CENPP: variants seen among roughly 807,000 people sequenced by gnomAD.
The protein encoded by CENPP is centromere protein P.
A neutral mutation model predicts 35.6 loss-of-function variants in CENPP; 24 were observed. That is an observed-to-expected ratio of 0.67 (90% CI 0.49 to 0.95). CENPP has a LOEUF of 0.95. CENPP is among the 40% of genes least tolerant of loss of function. The pLI is 0.00. For synonymous variants in CENPP, 120 were observed against 125.5 expected (o/e 0.96, Z 0.29); for missense variants, 332 against 345.3 (o/e 0.96, Z 0.31).
chr9:92,362,024 CATAAA>C (rs1336701816), intron 4 of CENPP, among the ~76,000 whole-genome samples: 1 of 151,828 alleles, frequency 6.6e-6, no homozygotes, highest in Non-Finnish European at 1.5e-5. Context: ...AAGACTCCAT[CATAAA>C]ATAAAATAAG....
At chr9:92,347,162 A>G (rs1841316177) in intron 4 of CENPP, among the ~76,000 whole-genome samples, 1 of 152,212 alleles carries the variant, frequency 6.6e-6, no homozygotes. Flanking sequence ...ATACTGGCTG[A>G]ATAGAAGGGA....
rs1845306393 is a variant in CENPP at position 92,466,226 on chromosome 9, A to G, written c.564+86367A>G. The G allele has an allele frequency of 9.3e-6, 6 of 646,272 alleles. No homozygotes were observed. The East Asian group carries it at 1.4e-4, about 15-fold the overall frequency. The allele number at this position is 646,272 out of a possible 1,614,324, so 40.0% of individuals were successfully genotyped here. A position where few individuals can be genotyped will look rare whatever the true frequency, so the allele number is the denominator to read the frequency against. On this transcript the variant is annotated intron_variant, in intron 5 of 7. Coordinates refer to ENST00000375587, the MANE Select transcript of CENPP (RefSeq NM_001012267.3). Reference sequence around the variant, plus strand: ...TTTTGTTGGACATTTTAATTGGTTTATAAATGGCTTATCTAGGCAAAGATT... The same window carrying G: ...TTTTGTTGGACATTTTAATTGGTTTGTAAATGGCTTATCTAGGCAAAGATT...
At chr9:92,398,400 G>T (rs114869321) in intron 5 of CENPP, among the ~76,000 whole-genome samples, 7 of 152,012 alleles carry the variant, frequency 4.6e-5, no homozygotes, top group African/African-American at 1.4e-4. Context: ...AAGTATATAC[G>T]CAGAGAACTG....
At position 92,562,202 on chromosome 9, in the gene CENPP, C is replaced by CTTTTT. The variant is rs373787447; in HGVS notation, c.565-49108_565-49107insTTTTT. Among the ~76,000 whole-genome samples, 4 of 133,450 alleles carry CTTTTT rather than the reference C, an allele frequency of 3.0e-5. 1 individual carries two copies. The highest frequency in any genetic ancestry group is 2.6e-4 in the East Asian group (1 of 3,852). 87.5% of individuals were successfully genotyped at this position (133,450 alleles called of 152,430 possible). On this transcript the variant is annotated intron_variant, in intron 5 of 7. Transcript: ENST00000375587. ...TCTGGAACTCAGTTTTCTTTTTTTT[C>CTTTTT]TTTTCTTTTTTTTTTTTTTGAGATG... is the stretch of plus-strand genomic sequence containing the variant.
chr9:92,516,079 C>CA lies in CENPP; in HGVS notation c.565-95235_565-95234insA, dbSNP rs369425450. On this transcript the variant is annotated intron_variant, in intron 5 of 7. Coordinates refer to ENST00000375587, the MANE Select transcript of CENPP (RefSeq NM_001012267.3). ...ACAGTGCATACTTTTTTTTCCCCCC[C>CA]CCGAGACGGAGTCTTGCTCTGTCGC... Among the ~76,000 whole-genome samples the CA allele has an allele frequency of 7.4e-3, 1,105 of 150,296 alleles. 22 individuals are homozygous for CA. The highest frequency in any genetic ancestry group is 0.024 in the African/African-American group (982 of 41,088).
At chr9:92,440,988 T>G (rs1844372353) in intron 5 of CENPP, among the ~76,000 whole-genome samples, 1 of 152,208 alleles carries the variant, frequency 6.6e-6, no homozygotes, top group Non-Finnish European at 1.5e-5. Context: ...AGTGTTAAGT[T>G]CCTGTGGCAT....
At chr9:92,546,517 G>A (rs112095134) in intron 5 of CENPP, among the ~76,000 whole-genome samples, 23,741 of 151,700 alleles carry the variant, frequency 0.16, 1,958 homozygotes, top group Middle Eastern at 0.2. Flanking sequence ...CAGACGCACC[G>A]CCTTAAGAGC....
At chr9:92,419,450 T>G (rs1438406529) in intron 5 of CENPP, among the ~76,000 whole-genome samples, 1 of 151,624 alleles carries the variant, frequency 6.6e-6, no homozygotes, top group Non-Finnish European at 1.5e-5. Flanking sequence ...ACAGGTGCAC[T>G]CCACCACACC....
chr9:92,452,147 T>C (rs1844730410), intron 5 of CENPP, among the ~76,000 whole-genome samples: 1 of 150,674 alleles, frequency 6.6e-6, no homozygotes, highest in African/African-American at 2.4e-5. Context: ...TGAATAGGAG[T>C]GGTGAGAGAG....
intron 3 of CENPP, among the ~76,000 whole-genome samples, chr9:92,338,280 C>T (rs1053409221): frequency 4.0e-5 from 6 of 151,892 alleles, no homozygotes; most frequent in South Asian, 2.1e-4. Flanking sequence ...CCACTGTACT[C>T]GAGCCTGGGT....
chr9:92,567,375 T>TAGATAG (rs1554688253), intron 5 of CENPP, among the ~76,000 whole-genome samples: 2 of 81,870 alleles, frequency 2.4e-5, no homozygotes, highest in South Asian at 3.2e-4. Context: ...ATAAGATAGA[T>TAGATAG]ATATATATAT....
At chr9:92,528,467 TA>T (rs1347523854) in intron 5 of CENPP, among the ~76,000 whole-genome samples, 2 of 152,080 alleles carry the variant, frequency 1.3e-5, no homozygotes, top group Non-Finnish European at 2.9e-5. Flanking sequence ...TTCCACTGAG[TA>T]CTGGATAGCA....
At chr9:92,403,069 A>G (rs189656438) in intron 5 of CENPP, among the ~76,000 whole-genome samples, 56 of 152,312 alleles carry the variant, frequency 3.7e-4, no homozygotes, top group African/African-American at 1.3e-3. Context: ...GAAAGCATAC[A>G]TACTCTAAAA....
At chr9:92,496,457 T>A in intron 5 of CENPP, 1 of 1,608,986 alleles carries the variant, frequency 6.2e-7, no homozygotes, top group Non-Finnish European at 8.5e-7. Context: ...CTCTTCAGCA[T>A]TGCAAATTTC....
chr9:92,568,245 C>A (rs941058867), intron 5 of CENPP, among the ~76,000 whole-genome samples: 1 of 151,326 alleles, frequency 6.6e-6, no homozygotes, highest in African/African-American at 2.4e-5. Flanking sequence ...TTCCCCCCAC[C>A]GCACAACAGG....
At chr9:92,581,586 C>G (rs73522398) in intron 5 of CENPP, among the ~76,000 whole-genome samples, 2,336 of 152,144 alleles carry the variant, frequency 0.015, 74 homozygotes, top group African/African-American at 0.053. Context: ...ACTTCCTATA[C>G]CCAGCAAATA....
chr9:92,452,601 A>C (rs1844745565), intron 5 of CENPP, among the ~76,000 whole-genome samples: 1 of 152,194 alleles, frequency 6.6e-6, no homozygotes, highest in South Asian at 2.1e-4. Context: ...TATCAGGATG[A>C]TGCTGGCCTC....
intron 5 of CENPP, among the ~76,000 whole-genome samples, chr9:92,533,328 A>AAAAAAATAT (rs1554683138): frequency 5.2e-5 from 2 of 38,332 alleles, no homozygotes; most frequent in Non-Finnish European, 4.3e-5. Context: ...AAAAAAAAAA[A>AAAAAAATAT]ATATATATAT....
chr9:92,390,929 A>C (rs1335727039), intron 5 of CENPP, among the ~76,000 whole-genome samples: 4 of 151,988 alleles, frequency 2.6e-5, no homozygotes, highest in Non-Finnish European at 5.9e-5. Flanking sequence ...GTGCTTGGGG[A>C]TGTTAGACGT....
Sources: allele counts gnomAD v4.1 joint callset (sites outside exome capture counted in the v4.1 genomes callset), GRCh38; gene constraint gnomAD v4.1.1; transcripts MANE v1.5; gene names NCBI Gene and HGNC (gene_info 2026-07-23, HGNC 2026-07-21).